TIGD1: variants seen among roughly 807,000 people sequenced by gnomAD.
TIGD1 encodes the protein tigger transposable element-derived protein 1.
TIGD1 carries 20 observed loss-of-function variants against 21.3 expected under a neutral mutation model. The ratio of observed to expected loss-of-function variants is 0.94; its 90% CI spans 0.66 to 1.36. The LOEUF is 1.36. Ranked by LOEUF, TIGD1 falls within the 40% of genes most tolerant of loss-of-function variation. The probability of loss-of-function intolerance (pLI) is 0.00; values close to 1 mark genes in which losing one functional copy is unlikely to be tolerated. For missense variants in TIGD1, 556 were observed against 350.5 expected, an observed-to-expected ratio of 1.59 and a Z score of -4.68; for synonymous variants, 177 against 123.2, an observed-to-expected ratio of 1.44 and a Z score of -2.89.
chr2:232,549,386 G>A lies in TIGD1; in HGVS notation c.497C>T (p.Pro166Leu). 1 of 635,894 alleles carries A rather than the reference G, an allele frequency of 1.6e-6. No homozygotes were observed. The highest frequency in any genetic ancestry group is 2.8e-5 in the East Asian group (1 of 35,582). 39.4% of individuals were successfully genotyped at this position (635,894 alleles called of 1,614,324 possible). Residue 166 changes from proline (P) to leucine (L), a missense_variant, in exon 1 of 1, where the codon CCA becomes CTA. Pro to Leu is a moderately conservative substitution (Grantham distance 98). Transcript: ENST00000408957. ...SADVEAAASY[P>L]EALAKIIDEG... The stretch of plus-strand genomic sequence containing the variant: ...GTCAATGATCTTAGCTAAAGCTTCT[G>A]GATAACTTGCTGCAGCTTCTACATC...
Position 232,544,937 on chromosome 2 carries a change from AGT to A in TIGD1, c.*3168_*3169del. 6.2e-7 allele frequency: 1 copy of A among 1,613,198 alleles called. No homozygotes were observed. Among genetic ancestry groups the A allele is most frequent in the Non-Finnish European group, 8.5e-7 (1 of 1,179,706 alleles). On this transcript the variant is annotated 3_prime_UTR_variant, in exon 1 of 1. Coordinates refer to ENST00000408957, the MANE Select transcript of TIGD1 (RefSeq NM_145702.4). ...GTCAGGGTGGGGTGGAGGTGGAGTGAGTACCTGGGCTTGGAACCGTGATAGAG... is the reference window on the plus strand; with the variant it reads ...GTCAGGGTGGGGTGGAGGTGGAGTGAACCTGGGCTTGGAACCGTGATAGAG...
rs1692152102 is a variant in TIGD1, at chr2:232,547,409, C to G, written c.*698G>C. 6.6e-6 allele frequency among the ~76,000 whole-genome samples: 1 copy of G among 151,924 alleles called. No homozygotes were observed. Among genetic ancestry groups the G allele is most frequent in the African/African-American group, 2.4e-5 (1 of 41,332 alleles). ...CTCCAGCCTGATGACACAGTAAGAC[C>G]CTGTCTCAAAAAAAATAAAAAAATT... On this transcript the variant is annotated 3_prime_UTR_variant, in exon 1 of 1. Coordinates refer to ENST00000408957, the MANE Select transcript of TIGD1 (RefSeq NM_145702.4).
At position 232,545,888 on chromosome 2, in the gene TIGD1, C is replaced by T. The variant is rs1574647783; in HGVS notation, c.*2219G>A. 24 of 788,132 alleles carry T rather than the reference C, an allele frequency of 3.0e-5. No homozygotes were observed. The highest frequency in any genetic ancestry group is 4.7e-5 in the Non-Finnish European group (22 of 471,384). 48.8% of individuals were successfully genotyped at this position (788,132 alleles called of 1,614,324 possible). A position where few individuals can be genotyped will look rare whatever the true frequency, so the allele number is the denominator to read the frequency against. On this transcript the variant is annotated 3_prime_UTR_variant, in exon 1 of 1. Coordinates refer to ENST00000408957, the MANE Select transcript of TIGD1 (RefSeq NM_145702.4). The stretch of plus-strand genomic sequence containing the variant: ...TGGGGAAACAGTCTGAGCTGGAGTC[C>T]GAGAGTGGTTGGGGGTGGGCCGTGG...
Position 232,548,079 on chromosome 2 carries a change from A to C in TIGD1, c.*28T>G. On this transcript the variant is annotated 3_prime_UTR_variant, in exon 1 of 1. Transcript: ENST00000408957. The stretch of plus-strand genomic sequence containing the variant: ...ACAATATACATACCTAAATTTAAAA[A>C]TACTTTATTGCTAAAAAATGCTGAT... 1.6e-6 allele frequency: 1 copy of C among 609,734 alleles called. No individual in the cohort carries two copies. The highest frequency in any genetic ancestry group is 2.8e-6 in the Non-Finnish European group (1 of 357,322). 37.8% of individuals were successfully genotyped at this position (609,734 alleles called of 1,614,324 possible).
In TIGD1 at chr2:232,549,790, C is replaced by G; in HGVS notation, c.93G>C (p.Met31Ile). 6.5e-7 allele frequency: 1 copy of G among 1,544,488 alleles called. No homozygotes were observed. Among genetic ancestry groups the G allele is most frequent in the Non-Finnish European group, 8.8e-7 (1 of 1,141,464 alleles). ...GCCTTCGGCCTATCTCGGCTTTTGA[C>G]ATACCTTCCTCACTCAGTTTAATCA... ...LEMIKLSEEG[M>I]SKAEIGRRLG... The change falls in exon 1 of 1, where the codon ATG becomes ATC. Residue 31 changes from methionine (M) to isoleucine (I), a missense_variant. Met to Ile is a conservative substitution (Grantham distance 10). Coordinates refer to ENST00000408957, the MANE Select transcript of TIGD1 (RefSeq NM_145702.4).
In TIGD1 at chr2:232,549,791, AT is replaced by A. The variant is rs745485433; in HGVS notation, c.91del (p.Met31CysfsTer6). 1.7e-5 allele frequency: 26 copies of A among 1,545,370 alleles called. No individual in the cohort carries two copies. The highest frequency in any genetic ancestry group is 3.9e-5 in the Admixed American group (2 of 50,870). On this transcript the variant is annotated frameshift_variant, in exon 1 of 1. Coordinates refer to ENST00000408957, the MANE Select transcript of TIGD1 (RefSeq NM_145702.4). LOFTEE classifies it high-confidence loss of function. Reference protein sequence around the residue: ...LEMIKLSEEGMSKAEIGRRLG... With the variant: ...LEMIKLSEEGXSKAEIGRRLG... ...CCTTCGGCCTATCTCGGCTTTTGAC[AT>A]ACCTTCCTCACTCAGTTTAATCATT...
rs914092954 is a variant in TIGD1, at chr2:232,549,549, G to T, written c.334C>A (p.Leu112Ile). The change falls in exon 1 of 1, where the codon CTC becomes ATC. Residue 112 changes from leucine to isoleucine, a missense_variant. Leu to Ile is a conservative substitution (Grantham distance 5). Coordinates refer to ENST00000408957, the MANE Select transcript of TIGD1 (RefSeq NM_145702.4). ...CTCTCAGCTTTCATAGAGTTGAAGA[G>T]AGTTAGGGCTTTGTTCTGGATTAGG... ...QSLIQNKALT[L>I]FNSMKAERGV... The T allele has an allele frequency of 2.5e-5, 17 of 674,314 alleles. No homozygotes were observed. The Admixed American group carries it at 3.6e-4, about 14-fold the overall frequency. The allele number at this position is 674,314 out of a possible 1,614,324, so 41.8% of individuals were successfully genotyped here. A position where few individuals can be genotyped will look rare whatever the true frequency, so the allele number is the denominator to read the frequency against.
Position 232,544,347 on chromosome 2 carries a change from T to C in TIGD1, c.*3760A>G. On this transcript the variant is annotated 3_prime_UTR_variant, in exon 1 of 1. Coordinates refer to ENST00000408957, the MANE Select transcript of TIGD1 (RefSeq NM_145702.4). ...TCTGAAGCTCGGCCTGCTGCCCTAG[T>C]GAAGCCACCCCCTCTCTAGGTGTTC... The C allele has an allele frequency of 1.3e-6, 2 of 1,596,964 alleles. No individual in the cohort carries two copies. Among genetic ancestry groups the C allele is most frequent in the Middle Eastern group, 1.7e-4 (1 of 5,914 alleles).
At position 232,546,055 on chromosome 2, in the gene TIGD1, T is replaced by C; in HGVS notation, c.*2052A>G. The C allele has an allele frequency of 2.4e-6, 1 of 409,656 alleles. No individual in the cohort carries two copies. The highest frequency in any genetic ancestry group is 4.6e-6 in the Non-Finnish European group (1 of 215,870). The allele number at this position is 409,656 out of a possible 1,614,324, so 25.4% of individuals were successfully genotyped here. A position where few individuals can be genotyped will look rare whatever the true frequency, so the allele number is the denominator to read the frequency against. ...GTCTGAAGCCCGAAGGACTGTTTTGTATAATACCTTCGGACTTGGGACTGG... is the reference window on the plus strand; with the variant it reads ...GTCTGAAGCCCGAAGGACTGTTTTGCATAATACCTTCGGACTTGGGACTGG... On this transcript the variant is annotated 3_prime_UTR_variant, in exon 1 of 1. Transcript: ENST00000408957.
Position 232,544,589 on chromosome 2 carries a change from C to G in TIGD1, c.*3518G>C, listed in dbSNP as rs770568420. 2.7e-5 allele frequency: 43 copies of G among 1,609,200 alleles called. No homozygotes were observed. The highest frequency in any genetic ancestry group is 3.5e-5 in the Non-Finnish European group (41 of 1,176,612). ...AGCGCTGGAGAAGCTAGGTGAGACA[C>G]ACCAGGTGTGCCTGGGGACAGTCCT... is the stretch of plus-strand genomic sequence containing the variant. On this transcript the variant is annotated 3_prime_UTR_variant, in exon 1 of 1. Coordinates refer to ENST00000408957, the MANE Select transcript of TIGD1 (RefSeq NM_145702.4).
Position 232,545,690 on chromosome 2 carries a change from C to T in TIGD1, c.*2417G>A, listed in dbSNP as rs762066089. 8.2e-5 allele frequency: 133 copies of T among 1,614,068 alleles called. No individual in the cohort carries two copies. Among genetic ancestry groups the T allele is most frequent in the Non-Finnish European group, 1.1e-4 (128 of 1,180,048 alleles). On this transcript the variant is annotated 3_prime_UTR_variant, in exon 1 of 1. Transcript: ENST00000408957. ...GGCCCTGCCATTCCCTGGAGATCCA[C>T]GCCCCTACCTGCCCTCACCAGACTG...
chr2:232,544,780 C>T lies in TIGD1; in HGVS notation c.*3327G>A. On this transcript the variant is annotated 3_prime_UTR_variant, in exon 1 of 1. Transcript: ENST00000408957. ...CCCTTTCTCTTTATCAGAGAAAGGC[C>T]CGGAGTTAGGGCTGAGCCAGTTCTG... 1 of 1,613,984 alleles carries T rather than the reference C, an allele frequency of 6.2e-7. No homozygotes were observed. Among genetic ancestry groups the T allele is most frequent in the African/African-American group, 1.3e-5 (1 of 75,024 alleles).
At position 232,545,018 on chromosome 2, in the gene TIGD1, C is replaced by T. The variant is rs530473096; in HGVS notation, c.*3089G>A. The T allele has an allele frequency of 7.9e-5, 105 of 1,323,858 alleles. 2 individuals are homozygous for T. In the Admixed American group the frequency reaches 9.8e-4, roughly 12 times the overall value. The allele number at this position is 1,323,858 out of a possible 1,614,324, so 82.0% of individuals were successfully genotyped here. On this transcript the variant is annotated 3_prime_UTR_variant, in exon 1 of 1. Coordinates refer to ENST00000408957, the MANE Select transcript of TIGD1 (RefSeq NM_145702.4). ...GCAGTGGGATGGAAAAACATGAGGCCGGGTGCAGTGGGTCACACCTGTAAT... is the reference window on the plus strand; with the variant it reads ...GCAGTGGGATGGAAAAACATGAGGCTGGGTGCAGTGGGTCACACCTGTAAT...
At position 232,546,568 on chromosome 2, in the gene TIGD1, A is replaced by C. The variant is rs1021623579; in HGVS notation, c.*1539T>G. Among the ~76,000 whole-genome samples the C allele has an allele frequency of 7.9e-5, 12 of 151,892 alleles. No homozygotes were observed. Among genetic ancestry groups the C allele is most frequent in the Non-Finnish European group, 1.6e-4 (11 of 67,962 alleles). On this transcript the variant is annotated 3_prime_UTR_variant, in exon 1 of 1. Transcript: ENST00000408957. ...TGCTATGTTGCCTAGGTTGGTCTTGAACTCCTGAGCTCAAGTGATCCTCCC... is the reference window on the plus strand; with the variant it reads ...TGCTATGTTGCCTAGGTTGGTCTTGCACTCCTGAGCTCAAGTGATCCTCCC...
In TIGD1 at chr2:232,545,094, T is replaced by G. The variant is rs1318938808; in HGVS notation, c.*3013A>C. ...AGTGGATCACCTGAGGTCAGGAGTTTGAGACCAGCCTGGCCAACATGGCAA... is the reference window on the plus strand; with the variant it reads ...AGTGGATCACCTGAGGTCAGGAGTTGGAGACCAGCCTGGCCAACATGGCAA... On this transcript the variant is annotated 3_prime_UTR_variant, in exon 1 of 1. Coordinates refer to ENST00000408957, the MANE Select transcript of TIGD1 (RefSeq NM_145702.4). Among the ~76,000 whole-genome samples, 1 of 151,986 alleles carries G rather than the reference T, an allele frequency of 6.6e-6. No homozygotes were observed. Among genetic ancestry groups the G allele is most frequent in the African/African-American group, 2.4e-5 (1 of 41,398 alleles).
rs1692078695 is a variant in TIGD1, at chr2:232,544,286, C to G, written c.*3821G>C. ...GGTATGCTGCCTCCATGGTCCCTAG[C>G]AGCACAAGCCCTTCACGCCAACCTC... On this transcript the variant is annotated 3_prime_UTR_variant, in exon 1 of 1. Coordinates refer to ENST00000408957, the MANE Select transcript of TIGD1 (RefSeq NM_145702.4). 1 of 1,050,798 alleles carries G rather than the reference C, an allele frequency of 9.5e-7. No homozygotes were observed. The highest frequency in any genetic ancestry group is 1.6e-5 in the African/African-American group (1 of 64,176). The allele number at this position is 1,050,798 out of a possible 1,614,324, so 65.1% of individuals were successfully genotyped here.
rs1439870348 is a variant in TIGD1, at chr2:232,545,745, A to G, written c.*2362T>C. On this transcript the variant is annotated 3_prime_UTR_variant, in exon 1 of 1. Transcript: ENST00000408957. The stretch of plus-strand genomic sequence containing the variant: ...AACCAACCACTGTGGGGCATGTGGG[A>G]GTCACACACGTGGGTCACACTGAGT... 1.1e-5 allele frequency: 18 copies of G among 1,612,312 alleles called. No homozygotes were observed. In the East Asian group the frequency reaches 4.0e-4, roughly 36 times the overall value.
rs1315707303 is a variant in TIGD1, at chr2:232,550,147, G to A, written c.-265C>T. The A allele has an allele frequency of 1.6e-5, 6 of 384,272 alleles. No homozygotes were observed. The highest frequency in any genetic ancestry group is 4.2e-5 in the African/African-American group (2 of 47,758). The allele number at this position is 384,272 out of a possible 1,614,324, so 23.8% of individuals were successfully genotyped here. On this transcript the variant is annotated 5_prime_UTR_variant, in exon 1 of 1. Transcript: ENST00000408957. ...TAAATATTTTGAGAATTACCAAAAT[G>A]TAACACAGAGACACCAAGTGAGCAC... is the stretch of plus-strand genomic sequence containing the variant.
chr2:232,548,904 T>C lies in TIGD1; in HGVS notation c.979A>G (p.Thr327Ala), dbSNP rs1465424296. The change falls in exon 1 of 1, where the codon ACA becomes GCA. Residue 327 changes from threonine (T) to alanine (A), a missense_variant. Coordinates refer to ENST00000408957, the MANE Select transcript of TIGD1 (RefSeq NM_145702.4). ...TCCATGGGCTGCAGAATGGATGTTG[T>C]GTTAGCAGGCATGAAAATAACATTA... ...EINVIFMPAN[T>A]TSILQPMDQG... is the part of the protein sequence containing the mutation. 9 of 660,852 alleles carry C rather than the reference T, an allele frequency of 1.4e-5. No homozygotes were observed. The highest frequency in any genetic ancestry group is 1.0e-4 in the Admixed American group (5 of 48,128). 40.9% of individuals were successfully genotyped at this position (660,852 alleles called of 1,614,324 possible).
Sources: gnomAD v4.1 joint callset for allele counts (sites outside exome capture counted in the v4.1 genomes callset) on GRCh38, gnomAD v4.1.1 for gene constraint, MANE v1.5 for transcripts, NCBI Gene and HGNC (gene_info 2026-07-23, HGNC 2026-07-21) for gene names.